ROBO1: variants seen among roughly 807,000 people sequenced by gnomAD.
The protein encoded by ROBO1 is roundabout guidance receptor 1, also known as roundabout homolog 1.
A neutral mutation model predicts 195.9 loss-of-function variants in ROBO1; 149 were observed. The ratio of observed to expected loss-of-function variants is 0.76; its 90% confidence interval spans 0.67 to 0.87. The LOEUF is 0.87. ROBO1 is among the 40% of genes least tolerant of loss of function. The pLI, the probability that ROBO1 is intolerant of heterozygous loss-of-function variation, is 0.00. For missense variants in ROBO1, 1,933 were observed against 2,068.3 expected, an observed-to-expected ratio of 0.93 and a Z score of 1.27; for synonymous variants, 816 against 733.2, an observed-to-expected ratio of 1.11 and a Z score of -1.82.
chr3:79,753,291 A>T (rs1364870896), intron 1 of ROBO1, among the ~76,000 whole-genome samples: 2 of 91,394 alleles, frequency 2.2e-5, no homozygotes, highest in East Asian at 3.6e-4. Context: ...ACTGGGATTT[A>T]AAAAAAAAAA....
chr3:79,212,238 T>G (rs1001723681), intron 2 of ROBO1, among the ~76,000 whole-genome samples: 1 of 152,296 alleles, frequency 6.6e-6, no homozygotes, highest in South Asian at 2.1e-4. Flanking sequence ...AGATTTAGTT[T>G]ATGGCCAGTC....
intron 2 of ROBO1, among the ~76,000 whole-genome samples, chr3:79,564,255 C>T (rs1357624162): frequency 6.6e-6 from 1 of 152,030 alleles, no homozygotes; most frequent in African/African-American, 2.4e-5. Context: ...TGCATTGGTT[C>T]TGTCAAATAT....
At chr3:78,718,862 GGGAGAGAGGGAAAAAGGGAGGGAA>G in intron 5 of ROBO1, among the ~76,000 whole-genome samples, 2 of 146,898 alleles carry the variant, frequency 1.4e-5, no homozygotes, top group African/African-American at 5.0e-5. Context: ...GAGGGAGGGA[GGGAGAGAGGGAAAAAGGGAGGGAA>G]GGAGGGAGGG....
intron 4 of ROBO1, among the ~76,000 whole-genome samples, chr3:78,782,553 T>G (rs2083710789): frequency 6.6e-6 from 1 of 152,178 alleles, no homozygotes; most frequent in Non-Finnish European, 1.5e-5. Context: ...CTTCAAACTC[T>G]GCAACCTTAG....
chr3:79,716,163 G>C (rs1702475899), intron 1 of ROBO1, among the ~76,000 whole-genome samples: 1 of 151,848 alleles, frequency 6.6e-6, no homozygotes, highest in East Asian at 1.9e-4. Context: ...ATTTAATCAT[G>C]ATTAGATTAT....
chr3:79,438,564 TAA>T (rs1164571255), intron 2 of ROBO1, among the ~76,000 whole-genome samples: 1 of 152,052 alleles, frequency 6.6e-6, no homozygotes, highest in Non-Finnish European at 1.5e-5. Flanking sequence ...CTGATACTTA[TAA>T]GTAGCATGTC....
At chr3:79,717,924 T>G (rs945422391) in intron 1 of ROBO1, among the ~76,000 whole-genome samples, 5 of 152,000 alleles carry the variant, frequency 3.3e-5, no homozygotes, top group Non-Finnish European at 7.4e-5. Flanking sequence ...TTTCAATGCT[T>G]TTTGATTTTT....
intron 2 of ROBO1, among the ~76,000 whole-genome samples, chr3:79,568,438 C>G (rs1943160519): frequency 6.7e-6 from 1 of 150,270 alleles, no homozygotes; most frequent in Admixed American, 6.6e-5. Context: ...TTAATTGCAG[C>G]CTTTATTAAT....
chr3:79,527,309 T>C (rs1559966052), intron 2 of ROBO1, among the ~76,000 whole-genome samples: 2 of 152,180 alleles, frequency 1.3e-5, no homozygotes, highest in African/African-American at 2.4e-5. Flanking sequence ...CTGTAAAATA[T>C]GTTGTTATAT....
At chr3:79,421,689 A>G (rs2038230536) in intron 2 of ROBO1, among the ~76,000 whole-genome samples, 1 of 152,154 alleles carries the variant, frequency 6.6e-6, no homozygotes, top group Non-Finnish European at 1.5e-5. Context: ...GAGGGTAACA[A>G]TACTATCTGA....
chr3:79,667,479 G>A (rs1391813119), intron 1 of ROBO1, among the ~76,000 whole-genome samples: 1 of 151,780 alleles, frequency 6.6e-6, no homozygotes, highest in African/African-American at 2.4e-5. Flanking sequence ...ACAGGATTTT[G>A]GTTGTAAGAG....
In ROBO1 at chr3:79,687,140, G is replaced by T. The variant is rs573108113; in HGVS notation, c.-51+80612C>A. 4.6e-5 allele frequency among the ~76,000 whole-genome samples: 7 copies of T among 152,274 alleles called. No homozygotes were observed. In the South Asian group the frequency reaches 1.5e-3, roughly 32 times the overall value. The stretch of plus-strand genomic sequence containing the variant: ...GAAATGATTCTCTATTTAATAAATG[G>T]TGCTGGGAAAACTGGCTAGCCATAT... On this transcript the variant is annotated intron_variant, in intron 1 of 30. Coordinates refer to ENST00000464233, the MANE Select transcript of ROBO1 (RefSeq NM_002941.4).
chr3:79,670,241 G>A lies in ROBO1; in HGVS notation c.-50-80280C>T, dbSNP rs1027348800. ...TAATTTAACCTAAGTCATGGTTCAT[G>A]TTCAGTTTATTTAGAAAATTTTCAC... On this transcript the variant is annotated intron_variant, in intron 1 of 30. Coordinates refer to ENST00000464233, the MANE Select transcript of ROBO1 (RefSeq NM_002941.4). 2.0e-5 allele frequency among the ~76,000 whole-genome samples: 3 copies of A among 151,780 alleles called. No individual in the cohort carries two copies. The South Asian group carries it at 6.2e-4, about 31-fold the overall frequency.
At chr3:78,993,851 A>C (rs1278824131) in intron 3 of ROBO1, among the ~76,000 whole-genome samples, 1 of 152,204 alleles carries the variant, frequency 6.6e-6, no homozygotes, top group East Asian at 1.9e-4. Flanking sequence ...AAAATCTGTT[A>C]AGCCAAAATG....
At chr3:79,169,328 T>C (rs2108688293) in intron 2 of ROBO1, among the ~76,000 whole-genome samples, 1 of 152,216 alleles carries the variant, frequency 6.6e-6, no homozygotes, top group East Asian at 1.9e-4. Flanking sequence ...CACAGATTTC[T>C]TGTCGTTTTT....
chr3:79,618,194 A>G (rs1944887216), intron 1 of ROBO1, among the ~76,000 whole-genome samples: 1 of 152,214 alleles, frequency 6.6e-6, no homozygotes, highest in African/African-American at 2.4e-5. Context: ...GTAAAAAGTC[A>G]GGAAAACATA....
intron 2 of ROBO1, among the ~76,000 whole-genome samples, chr3:79,571,692 C>G (rs1010358301): frequency 2.6e-5 from 4 of 151,978 alleles, no homozygotes; most frequent in Admixed American, 6.6e-5. Context: ...TCAGTGTAAA[C>G]TTTTAAATTG....
At chr3:79,243,351 T>C (rs1264661947) in intron 2 of ROBO1, among the ~76,000 whole-genome samples, 2 of 152,292 alleles carry the variant, frequency 1.3e-5, no homozygotes, top group South Asian at 4.1e-4. Context: ...ATATACCCAG[T>C]AATGGGATGG....
chr3:79,119,524 C>T (rs2080077176), intron 3 of ROBO1, among the ~76,000 whole-genome samples: 1 of 152,094 alleles, frequency 6.6e-6, no homozygotes, highest in African/African-American at 2.4e-5. Flanking sequence ...AAACAAATCA[C>T]AAATTTGACA....
Sources: allele counts gnomAD v4.1 joint callset (sites outside exome capture counted in the v4.1 genomes callset), GRCh38; gene constraint gnomAD v4.1.1; transcripts MANE v1.5; gene names NCBI Gene and HGNC (gene_info 2026-07-23, HGNC 2026-07-21).